PDE7A: variants seen among roughly 807,000 people sequenced by gnomAD.
PDE7A encodes the protein high affinity 3',5'-cyclic-AMP phosphodiesterase 7A.
In PDE7A, 39 loss-of-function variants were observed where a neutral mutation model predicts 64.3. The ratio of observed to expected loss-of-function variants is 0.61; its 90% CI spans 0.47 to 0.79. PDE7A has a LOEUF of 0.79. Among genes scored for constraint, PDE7A ranks in the 30% least tolerant of loss-of-function variants. The probability of loss-of-function intolerance (pLI) is 0.00; values close to 1 mark genes in which losing one functional copy is unlikely to be tolerated. For missense variants in PDE7A, 470 were observed against 582.8 expected, an observed-to-expected ratio of 0.81 and a Z score of 1.99; for synonymous variants, 203 against 206.8, an observed-to-expected ratio of 0.98 and a Z score of 0.16.
chr8:65,723,327 GCTGC>G, intron 12 of PDE7A: 1 of 327,270 alleles, frequency 3.1e-6, no homozygotes, highest in Non-Finnish European at 5.3e-6. Flanking sequence ...AGTTATTGCT[GCTGC>G]CTGTTCTGCA....
intron 7 of PDE7A, among the ~76,000 whole-genome samples, chr8:65,731,810 T>C (rs188877194): frequency 6.6e-6 from 1 of 152,214 alleles, no homozygotes; most frequent in East Asian, 1.9e-4. Context: ...GAAAACAAAT[T>C]TCTCACAAAA....
chr8:65,755,744 T>C (rs1808207586), intron 3 of PDE7A, among the ~76,000 whole-genome samples: 1 of 152,266 alleles, frequency 6.6e-6, no homozygotes, highest in Non-Finnish European at 1.5e-5. Context: ...TTTAGGTAAC[T>C]GTTAATACCC....
At chr8:65,757,921 C>T (rs1808313713) in intron 3 of PDE7A, among the ~76,000 whole-genome samples, 1 of 152,158 alleles carries the variant, frequency 6.6e-6, no homozygotes, top group African/African-American at 2.4e-5. Flanking sequence ...CCAGCCAACT[C>T]CAAGACTTTT....
chr8:65,790,213 C>T (rs537732390), intron 1 of PDE7A, among the ~76,000 whole-genome samples: 4 of 152,350 alleles, frequency 2.6e-5, no homozygotes, highest in African/African-American at 7.2e-5. Flanking sequence ...AGCCAGATGA[C>T]GCTGCAGCCC....
chr8:65,796,577 A>G, intron 1 of PDE7A, among the ~76,000 whole-genome samples: 1 of 152,320 alleles, frequency 6.6e-6, no homozygotes, highest in Middle Eastern at 3.4e-3. Flanking sequence ...ATTCAACATT[A>G]ACAGAATTAA....
At chr8:65,810,232 T>C (rs112520118) in intron 1 of PDE7A, among the ~76,000 whole-genome samples, 3,151 of 151,216 alleles carry the variant, frequency 0.021, 47 homozygotes, top group Non-Finnish European at 0.035. Context: ...TCATTCTGAG[T>C]AAACTATCGC....
intron 1 of PDE7A, among the ~76,000 whole-genome samples, chr8:65,840,837 C>A (rs1811062278): frequency 6.6e-6 from 1 of 152,236 alleles, no homozygotes; most frequent in African/African-American, 2.4e-5. Flanking sequence ...ACAGCCCAGC[C>A]ACAGAAACGA....
intron 1 of PDE7A, among the ~76,000 whole-genome samples, chr8:65,812,942 G>A (rs1015746495): frequency 8.5e-5 from 13 of 152,136 alleles, no homozygotes; most frequent in Non-Finnish European, 1.5e-4. Context: ...AGCCAACTCA[G>A]GAACCAAACA....
chr8:65,749,792 G>A (rs1197828108), intron 3 of PDE7A, among the ~76,000 whole-genome samples: 1 of 152,154 alleles, frequency 6.6e-6, no homozygotes, highest in Non-Finnish European at 1.5e-5. Context: ...TATAAAGCCT[G>A]TTTACTCACA....
Position 65,730,178 on chromosome 8 carries a change from T to C in PDE7A, c.697-2877A>G, listed in dbSNP as rs1400142442. 4.9e-4 allele frequency among the ~76,000 whole-genome samples: 57 copies of C among 116,636 alleles called. 4 individuals carry two copies. The highest frequency in any genetic ancestry group is 1.1e-3 in the African/African-American group (34 of 31,392). The allele number at this position is 116,636 out of a possible 152,430, so 76.5% of individuals were successfully genotyped here. A position where few individuals can be genotyped will look rare whatever the true frequency, so the allele number is the denominator to read the frequency against. On this transcript the variant is annotated intron_variant, in intron 7 of 12. Transcript: ENST00000401827. Reference sequence around the variant, plus strand: ...GATCCAGGTTGCGCACTTCTTTTTTTTTTTTTTTTTTTTTTTTTTGAGATG... The same window carrying C: ...GATCCAGGTTGCGCACTTCTTTTTTCTTTTTTTTTTTTTTTTTTTGAGATG...
intron 3 of PDE7A, among the ~76,000 whole-genome samples, chr8:65,752,377 T>C (rs1808009496): frequency 6.6e-6 from 1 of 152,226 alleles, no homozygotes; most frequent in Non-Finnish European, 1.5e-5. Flanking sequence ...CACAGCAATA[T>C]ATTTCACTCA....
chr8:65,803,623 T>C (rs1390146051), intron 1 of PDE7A, among the ~76,000 whole-genome samples: 1 of 152,146 alleles, frequency 6.6e-6, no homozygotes, highest in Non-Finnish European at 1.5e-5. Flanking sequence ...GCAAAATAGT[T>C]TGCACACACC....
intron 1 of PDE7A, chr8:65,838,423 T>C (rs927193081): frequency 3.9e-5 from 6 of 152,216 alleles, no homozygotes; most frequent in African/African-American, 1.4e-4. Context: ...CATTAACCAT[T>C]TGAAATAGTA....
chr8:65,719,134 A>G lies in PDE7A; in HGVS notation c.*156T>C, dbSNP rs1191537393. On this transcript the variant is annotated 3_prime_UTR_variant, in exon 13 of 13. Transcript: ENST00000401827. The stretch of plus-strand genomic sequence containing the variant: ...TCTTGCAATTAACAAGTGGGTTCAA[A>G]TGATCCAACAGAGGAAATCTTGGAA... 7 of 616,774 alleles carry G rather than the reference A, an allele frequency of 1.1e-5. No individual in the cohort carries two copies. The East Asian group carries it at 1.9e-4, about 17-fold the overall frequency. 38.2% of individuals were successfully genotyped at this position (616,774 alleles called of 1,614,324 possible). A position where few individuals can be genotyped will look rare whatever the true frequency, so the allele number is the denominator to read the frequency against.
chr8:65,782,960 T>C lies in PDE7A; in HGVS notation c.139-117A>G, dbSNP rs1341695732. 31 of 634,744 alleles carry C rather than the reference T, an allele frequency of 4.9e-5. No individual in the cohort carries two copies. The Admixed American group carries it at 8.2e-4, about 17-fold the overall frequency. The allele number at this position is 634,744 out of a possible 1,614,324, so 39.3% of individuals were successfully genotyped here. ...GAAGCACTGTGCAAGAGAAGTTGGA[T>C]ACACAAAATGAAATTAGCTATGGTA... is the stretch of plus-strand genomic sequence containing the variant. On this transcript the variant is annotated intron_variant, in intron 1 of 12. Transcript: ENST00000401827.
intron 3 of PDE7A, among the ~76,000 whole-genome samples, chr8:65,775,932 C>T (rs2128922588): frequency 6.6e-6 from 1 of 152,190 alleles, no homozygotes; most frequent in African/African-American, 2.4e-5. Flanking sequence ...CCGGCCTCTT[C>T]CCTTTTCTTT....
chr8:65,723,419 T>TAA (rs1806474224), intron 12 of PDE7A, 122 bp downstream of exon 12: 1 of 991,868 alleles, frequency 1.0e-6, no homozygotes, highest in Non-Finnish European at 1.3e-6. Context: ...TAAAATTTCT[T>TAA]AAATTATTTT....
chr8:65,793,840 A>C (rs1809765809), intron 1 of PDE7A, among the ~76,000 whole-genome samples: 1 of 152,218 alleles, frequency 6.6e-6, no homozygotes, highest in Non-Finnish European at 1.5e-5. Flanking sequence ...TAGGACCAGG[A>C]GCACAAGTTT....
chr8:65,779,620 A>G (rs1809353086), intron 3 of PDE7A, 100 bp downstream of exon 3: 1 of 642,506 alleles, frequency 1.6e-6, no homozygotes, highest in African/African-American at 1.9e-5. Flanking sequence ...CAAACATAAT[A>G]GAGTTTTTTT....
Sources: gnomAD v4.1 joint callset for allele counts (sites outside exome capture counted in the v4.1 genomes callset) on GRCh38, gnomAD v4.1.1 for gene constraint, MANE v1.5 for transcripts, NCBI Gene and HGNC (gene_info 2026-07-23, HGNC 2026-07-21) for gene names.